The following RXFP1 variants were observed in gnomAD, a reference collection of about 807,000 sequenced individuals.
The protein encoded by RXFP1 is relaxin receptor 1.
RXFP1 carries 73 observed loss-of-function variants against 89.8 expected under a neutral mutation model. The observed-to-expected ratio is 0.81, with a 90% CI of 0.67 to 0.99. RXFP1 has a LOEUF of 0.99. Ranked by LOEUF, RXFP1 falls within the 50% of genes least tolerant of loss-of-function variation. RXFP1 has a pLI of 0.00. For synonymous variants in RXFP1, 277 were observed against 305.5 expected (o/e 0.91, Z 0.97); for missense variants, 793 against 895.5 (o/e 0.89, Z 1.46).
chr4:158,639,636 G>A (rs1456503712), intron 14 of RXFP1, among the ~76,000 whole-genome samples: 7 of 152,096 alleles, frequency 4.6e-5, no homozygotes, highest in East Asian at 3.9e-4. Flanking sequence ...TTGGGCGGCC[G>A]AGGTGGGTGG....
chr4:158,542,109 A>ATATATATTTTT lies in RXFP1; in HGVS notation c.49+20085_49+20086insATATATTTTTT. On this transcript the variant is annotated intron_variant, in intron 1 of 17. Coordinates refer to ENST00000307765, the MANE Select transcript of RXFP1 (RefSeq NM_021634.4). ...TATATATATATATATATATATATAT[A>ATATATATTTTT]TTTTTTTTTTAGTAGAGACAGGGTT... Among the ~76,000 whole-genome samples the ATATATATTTTT allele has an allele frequency of 3.0e-3, 106 of 35,188 alleles. 2 individuals are homozygous for ATATATATTTTT. The highest frequency in any genetic ancestry group is 4.9e-3 in the East Asian group (4 of 812). The allele number at this position is 35,188 out of a possible 152,430, so 23.1% of individuals were successfully genotyped here.
At chr4:158,636,950 G>T (rs1025223517) in intron 12 of RXFP1, among the ~76,000 whole-genome samples, 1 of 152,080 alleles carries the variant, frequency 6.6e-6, no homozygotes, top group South Asian at 2.1e-4. Context: ...CTACTTCCAT[G>T]AGTTCAACTT....
chr4:158,571,238 C>T lies in RXFP1; in HGVS notation c.50-1460C>T, dbSNP rs146363757. Among the ~76,000 whole-genome samples, 1,050 of 152,290 alleles carry T rather than the reference C, an allele frequency of 6.9e-3. 11 individuals carry two copies. Among genetic ancestry groups the T allele is most frequent in the African/African-American group, 0.022 (934 of 41,548 alleles). ...TCATTCAATGATGCATGCATAAAAT[C>T]TTGCACAGGGCCTTACACTTAGCAA... On this transcript the variant is annotated intron_variant, in intron 1 of 17. Transcript: ENST00000307765.
intron 16 of RXFP1, 31 bp from the exon 17 acceptor site, chr4:158,648,468 G>A: frequency 8.2e-7 from 1 of 1,226,666 alleles, no homozygotes; most frequent in Non-Finnish European, 1.2e-6. Flanking sequence ...ATATTTCTAT[G>A]CATTAATAAT....
chr4:158,617,153 AC>A lies in RXFP1; in HGVS notation c.706del (p.Arg236ValfsTer27). 6.2e-7 allele frequency: 1 copy of A among 1,609,130 alleles called. No individual in the cohort carries two copies. Among genetic ancestry groups the A allele is most frequent in the Non-Finnish European group, 8.5e-7 (1 of 1,177,328 alleles). ...CAGAGTCCTGATGAATAACGTCCTCACCCGTTTACCTGATAAACCTCTCTGT... is the reference window on the plus strand; with the variant it reads ...CAGAGTCCTGATGAATAACGTCCTCACCGTTTACCTGATAAACCTCTCTGT... The part of the protein sequence containing the change: ...ILLVLMNNVL[T>X]RLPDKPLCQH... On this transcript the variant is annotated frameshift_variant, in exon 9 of 18. Transcript: ENST00000307765. LOFTEE classifies it high-confidence loss of function.
At chr4:158,649,395 A>G (rs924471945) in intron 17 of RXFP1, among the ~76,000 whole-genome samples, 3 of 152,138 alleles carry the variant, frequency 2.0e-5, no homozygotes, top group Non-Finnish European at 4.4e-5. Flanking sequence ...AATACATGCA[A>G]TTTAGAGAAG....
chr4:158,589,597 T>A (rs1427639380), intron 2 of RXFP1, among the ~76,000 whole-genome samples: 3 of 152,108 alleles, frequency 2.0e-5, no homozygotes, highest in Non-Finnish European at 4.4e-5. Context: ...TCAAACAAAC[T>A]ACAACTAACC....
At chr4:158,609,133 T>C (rs771679094) in intron 6 of RXFP1, among the ~76,000 whole-genome samples, 3 of 152,216 alleles carry the variant, frequency 2.0e-5, no homozygotes, top group Non-Finnish European at 4.4e-5. Flanking sequence ...CCACTTTCAC[T>C]TTCACTTCTT....
intron 5 of RXFP1, among the ~76,000 whole-genome samples, chr4:158,607,700 A>G (rs1265442752): frequency 6.6e-6 from 1 of 152,234 alleles, no homozygotes; most frequent in Non-Finnish European, 1.5e-5. Context: ...TTGTACATAA[A>G]TTTAACAGAA....
intron 1 of RXFP1, among the ~76,000 whole-genome samples, chr4:158,549,468 G>A (rs906286267): frequency 3.3e-5 from 5 of 152,132 alleles, no homozygotes; most frequent in South Asian, 2.1e-4. Context: ...CTCATTTTCC[G>A]TCCGGCTTTG....
chr4:158,603,707 T>C (rs952847314), intron 4 of RXFP1, among the ~76,000 whole-genome samples: 1 of 151,780 alleles, frequency 6.6e-6, no homozygotes, highest in African/African-American at 2.4e-5. Flanking sequence ...CTGACCAACA[T>C]GGTGAAACCC....
intron 4 of RXFP1, among the ~76,000 whole-genome samples, chr4:158,603,094 C>G (rs925228039): frequency 6.6e-6 from 1 of 152,080 alleles, no homozygotes; most frequent in African/African-American, 2.4e-5. Flanking sequence ...CCATGCCCAG[C>G]TAATTTTTTT....
At chr4:158,645,658 G>A (rs1486492845) in intron 15 of RXFP1, among the ~76,000 whole-genome samples, 7 of 152,098 alleles carry the variant, frequency 4.6e-5, no homozygotes, top group Non-Finnish European at 8.8e-5. Context: ...GCAATGTAAT[G>A]GCAAGGTGTT....
At chr4:158,576,471 A>C (rs1436712030) in intron 2 of RXFP1, among the ~76,000 whole-genome samples, 1 of 152,072 alleles carries the variant, frequency 6.6e-6, no homozygotes, top group Non-Finnish European at 1.5e-5. Context: ...GAAAATTCTC[A>C]GGCTCCATCC....
intron 1 of RXFP1, among the ~76,000 whole-genome samples, chr4:158,561,927 C>T (rs1384852800): frequency 6.6e-6 from 1 of 152,004 alleles, no homozygotes. Context: ...TGCACCCGGC[C>T]TCAACCTGTA....
intron 8 of RXFP1, among the ~76,000 whole-genome samples, chr4:158,615,765 A>C (rs1383674840): frequency 2.6e-5 from 4 of 151,604 alleles, no homozygotes; most frequent in African/African-American, 9.7e-5. Context: ...GCAATATAGC[A>C]AGACCCCATC....
chr4:158,593,361 C>G, intron 2 of RXFP1, 40 bp from the exon 3 acceptor site: 1 of 1,282,602 alleles, frequency 7.8e-7, no homozygotes, highest in Non-Finnish European at 1.1e-6. Flanking sequence ...CAGAATATCT[C>G]TGTTCCTTGA....
At position 158,646,931 on chromosome 4, in the gene RXFP1, A is replaced by ACAT; in HGVS notation, c.1488_1489insTCA (p.Thr496_Glu497insSer). ...TGTAGGATCTTTGGCCATTCTGTCCACAGAAGTATCAGTTTTACTGTTAAC... is the reference window on the plus strand; with the variant it reads ...TGTAGGATCTTTGGCCATTCTGTCCACATCAGAAGTATCAGTTTTACTGTTAAC... On this transcript the variant is annotated inframe_insertion, in exon 16 of 18. Coordinates refer to ENST00000307765, the MANE Select transcript of RXFP1 (RefSeq NM_021634.4). 1 of 1,614,202 alleles carries ACAT rather than the reference A, an allele frequency of 6.2e-7. No homozygotes were observed. Among genetic ancestry groups the ACAT allele is most frequent in the Non-Finnish European group, 8.5e-7 (1 of 1,180,026 alleles).
intron 1 of RXFP1, among the ~76,000 whole-genome samples, chr4:158,539,330 G>A (rs933592420): frequency 1.3e-5 from 2 of 152,104 alleles, no homozygotes; most frequent in African/African-American, 4.8e-5. Context: ...GGGGACTATT[G>A]TGGAGTGGGG....
Sources: allele counts gnomAD v4.1 joint callset (sites outside exome capture counted in the v4.1 genomes callset), GRCh38; gene constraint gnomAD v4.1.1; transcripts MANE v1.5; gene names NCBI Gene and HGNC (gene_info 2026-07-23, HGNC 2026-07-21).